Variants in STOX2 observed in about 807,000 individuals in gnomAD.
STOX2 encodes storkhead box 2.
In STOX2, 28 loss-of-function variants were observed where a neutral mutation model predicts 60.9. That is an observed-to-expected ratio of 0.46 (90% CI 0.34 to 0.63). STOX2 has a LOEUF of 0.63. Among genes scored for constraint, STOX2 ranks in the 30% least tolerant of loss-of-function variants. The pLI, the probability that STOX2 is intolerant of heterozygous loss-of-function variation, is 0.01. For missense variants in STOX2, 1,024 were observed against 1,187.7 expected (o/e 0.86, Z 2.03); for synonymous variants, 472 against 463.9 (o/e 1.02, Z -0.22).
chr4:183,859,754 C>T (rs1740387437), intron 1 of STOX2, among the ~76,000 whole-genome samples: 1 of 152,200 alleles, frequency 6.6e-6, no homozygotes. Context: ...ATCCTGAAAC[C>T]CACATGTCAC....
chr4:184,009,641 T>C lies in STOX2; in HGVS notation c.803T>C (p.Leu268Pro), dbSNP rs777486499. Reference sequence around the variant, plus strand: ...GAAAAGCAGTCAAAAAAATTCGGGCTAAAGTTATTCCGGTTAAGTTTTAAA... The same window carrying C: ...GAAAAGCAGTCAAAAAAATTCGGGCCAAAGTTATTCCGGTTAAGTTTTAAA... ...DSEKQSKKFG[L>P]KLFRLSFKKD... The change falls in exon 3 of 4, where the codon CTA becomes CCA. Residue 268 changes from leucine (L) to proline (P), a missense_variant. Transcript: ENST00000308497. This position sits in a 1 kb window ranked among gnomAD's most constrained non-coding sequence, Gnocchi z 4.0. The C allele has an allele frequency of 6.2e-7, 1 of 1,613,856 alleles. No homozygotes were observed. Among genetic ancestry groups the C allele is most frequent in the Admixed American group, 1.7e-5 (1 of 60,022 alleles).
At chr4:183,980,597 G>A (rs757173061) in intron 1 of STOX2, among the ~76,000 whole-genome samples, 1 of 152,170 alleles carries the variant, frequency 6.6e-6, no homozygotes, top group Non-Finnish European at 1.5e-5. Flanking sequence ...GCCTGGTCAT[G>A]CTGAGTTCAG....
intron 1 of STOX2, among the ~76,000 whole-genome samples, chr4:183,829,562 A>G (rs1281070125): frequency 1.3e-5 from 2 of 152,324 alleles, no homozygotes; most frequent in Non-Finnish European, 2.9e-5. Context: ...TCTTTGTATT[A>G]AACTGTCAGT....
At chr4:183,986,571 G>C (rs542028423) in intron 1 of STOX2, among the ~76,000 whole-genome samples, 1 of 152,382 alleles carries the variant, frequency 6.6e-6, no homozygotes, top group East Asian at 1.9e-4. Context: ...TGAATATATA[G>C]TCTGCATGCC....
chr4:183,981,947 A>G (rs966068634), intron 1 of STOX2, among the ~76,000 whole-genome samples: 1 of 152,226 alleles, frequency 6.6e-6, no homozygotes, highest in Non-Finnish European at 1.5e-5. Flanking sequence ...CAAACAAAAC[A>G]AAACAACAAA....
At chr4:183,979,876 C>A (rs192759616) in intron 1 of STOX2, among the ~76,000 whole-genome samples, 1 of 152,014 alleles carries the variant, frequency 6.6e-6, no homozygotes, top group Non-Finnish European at 1.5e-5. Context: ...GTTAGTTCCT[C>A]GGGAACTAAT....
intron 1 of STOX2, among the ~76,000 whole-genome samples, chr4:183,925,114 T>G (rs1742203589): frequency 6.6e-6 from 1 of 152,178 alleles, no homozygotes; most frequent in South Asian, 2.1e-4. Context: ...TCTCCCCGTG[T>G]TTTAATCTTC....
intron 1 of STOX2, among the ~76,000 whole-genome samples, chr4:183,912,305 C>T (rs1006340903): frequency 6.6e-6 from 1 of 152,176 alleles, no homozygotes; most frequent in Non-Finnish European, 1.5e-5. Flanking sequence ...CCCAGTGTTC[C>T]CATCCATCAC....
rs7657125 is a variant in STOX2 at position 183,914,935 on chromosome 4, A to G, written c.166+7979A>G. Among the ~76,000 whole-genome samples the G allele has an allele frequency of 5.5e-3, 831 of 152,352 alleles. 5 individuals carry two copies. Among genetic ancestry groups the G allele is most frequent in the African/African-American group, 0.019 (789 of 41,574 alleles). ...TAGAAGGGATATGTTTTTGATGTCT[A>G]TAGTCAGGTCTGAAAACAGAGCTCT... On this transcript the variant is annotated intron_variant, in intron 1 of 3. Coordinates refer to ENST00000308497, the MANE Select transcript of STOX2 (RefSeq NM_020225.3).
At chr4:183,934,808 A>G (rs1424308599) in intron 1 of STOX2, among the ~76,000 whole-genome samples, 6 of 152,232 alleles carry the variant, frequency 3.9e-5, no homozygotes, top group African/African-American at 1.4e-4. Flanking sequence ...AATGTAGCTT[A>G]TAGTAAAATT....
chr4:183,866,409 C>G (rs552439517), intron 1 of STOX2, among the ~76,000 whole-genome samples: 8 of 152,236 alleles, frequency 5.3e-5, no homozygotes, highest in South Asian at 4.2e-4. Flanking sequence ...ATCTTAAGAT[C>G]CTGTTTCTCC....
chr4:183,919,722 C>T (rs1392661914), intron 1 of STOX2, among the ~76,000 whole-genome samples: 2 of 152,114 alleles, frequency 1.3e-5, no homozygotes, highest in Non-Finnish European at 2.9e-5. Flanking sequence ...CCTCCCCCCT[C>T]GGCCTCCCAA....
chr4:183,878,048 A>G (rs893972348), intron 1 of STOX2, among the ~76,000 whole-genome samples: 3 of 152,220 alleles, frequency 2.0e-5, no homozygotes, highest in African/African-American at 7.2e-5. Context: ...TCTTGAGGTA[A>G]GAATTATCAC....
chr4:183,979,876 C>T lies in STOX2; in HGVS notation c.167-21449C>T, dbSNP rs192759616. ...TATTTCAGGTCTTATGTTAGTTCCT[C>T]GGGAACTAATATTTTAGGCCCGGTC... On this transcript the variant is annotated intron_variant, in intron 1 of 3. Transcript: ENST00000308497. Among the ~76,000 whole-genome samples the T allele has an allele frequency of 6.8e-4, 104 of 152,130 alleles. 2 individuals carry two copies. In the East Asian group the frequency reaches 0.019, roughly 27 times the overall value.
intron 1 of STOX2, among the ~76,000 whole-genome samples, chr4:183,818,109 T>C (rs944443003): frequency 1.3e-5 from 2 of 152,048 alleles, no homozygotes; most frequent in African/African-American, 4.8e-5. Flanking sequence ...TATAATTTTT[T>C]TTTTTAATTG....
chr4:183,958,471 A>G (rs1743321706), intron 1 of STOX2, among the ~76,000 whole-genome samples: 1 of 152,154 alleles, frequency 6.6e-6, no homozygotes, highest in Non-Finnish European at 1.5e-5. Context: ...ATATATATTT[A>G]TACTTTCTTC....
intron 1 of STOX2, among the ~76,000 whole-genome samples, chr4:183,818,718 C>A (rs551261092): frequency 6.8e-6 from 1 of 147,592 alleles, no homozygotes; most frequent in Non-Finnish European, 1.5e-5. Flanking sequence ...GCCGGCTGGG[C>A]GGGGGCTGAC....
intron 1 of STOX2, among the ~76,000 whole-genome samples, chr4:183,914,653 G>A (rs938579905): frequency 1.3e-5 from 2 of 152,118 alleles, no homozygotes; most frequent in African/African-American, 4.8e-5. Flanking sequence ...TTGTGAACAC[G>A]AGAATAGCTT....
Position 183,820,971 on chromosome 4 carries a change from G to A in STOX2, c.364+22916G>A, listed in dbSNP as rs139893455. ...AAACACCAAAAATTAGCCTAGTGTGGTGGTGAACACCTGTAGTCCCAGCTA... is the reference window on the plus strand; with the variant it reads ...AAACACCAAAAATTAGCCTAGTGTGATGGTGAACACCTGTAGTCCCAGCTA... On this transcript the variant is annotated intron_variant, in intron 1 of 2. Transcript: ENST00000513034. 5.3e-4 allele frequency among the ~76,000 whole-genome samples: 80 copies of A among 152,148 alleles called. No homozygotes were observed. In the East Asian group the frequency reaches 5.8e-3, roughly 11 times the overall value.
Sources: allele counts gnomAD v4.1 joint callset (sites outside exome capture counted in the v4.1 genomes callset), GRCh38; gene constraint gnomAD v4.1.1; non-coding constraint Gnocchi (gnomAD v3.1); transcripts MANE v1.5; gene names NCBI Gene and HGNC (gene_info 2026-07-23, HGNC 2026-07-21).